C8orf89: variants seen among roughly 807,000 people sequenced by gnomAD.
C8orf89 encodes the protein chromosome 8 open reading frame 89.
C8orf89 carries 14 observed loss-of-function variants against 15.8 expected under a neutral mutation model. The ratio of observed to expected loss-of-function variants is 0.89; its 90% CI spans 0.59 to 1.39. The LOEUF is 1.39. C8orf89 is among the 40% of genes most tolerant of loss of function. The pLI is 0.00. For missense variants in C8orf89, 181 were observed against 184.5 expected (o/e 0.98, Z 0.11); for synonymous variants, 55 against 62.2 (o/e 0.88, Z 0.54).
At chr8:73,264,528 T>A (rs1180882227), upstream of C8orf89, among the ~76,000 whole-genome samples, 1 of 152,168 alleles carries the variant, frequency 6.6e-6, no homozygotes, top group Non-Finnish European at 1.5e-5. Flanking sequence ...TTCACTCTTG[T>A]CACCCAGGCT....
intron 1 of C8orf89, among the ~76,000 whole-genome samples, chr8:73,258,074 G>T (rs1002508027): frequency 6.6e-6 from 1 of 152,146 alleles, no homozygotes; most frequent in Non-Finnish European, 1.5e-5. Flanking sequence ...CACATTCAAA[G>T]CCAAAGAGGG....
chr8:73,277,827 T>C, the C8orf89 span: 1 of 714,026 alleles, frequency 1.4e-6, no homozygotes, highest in African/African-American at 1.7e-5. Context: ...CACAGGTCCA[T>C]TTTCTTTTCC....
intron 3 of C8orf89, among the ~76,000 whole-genome samples, chr8:73,245,674 C>A (rs1563529704): frequency 6.6e-6 from 1 of 151,860 alleles, no homozygotes; most frequent in Non-Finnish European, 1.5e-5. Flanking sequence ...AAAAGAGGAA[C>A]AGAATTACAG....
the C8orf89 span, among the ~76,000 whole-genome samples, chr8:73,272,231 T>G: frequency 6.6e-6 from 1 of 152,102 alleles, no homozygotes; most frequent in Non-Finnish European, 1.5e-5. Context: ...TCAGAAACAT[T>G]TTCTAAGTTC....
chr8:73,273,580 G>C, the C8orf89 span, among the ~76,000 whole-genome samples: 1 of 152,106 alleles, frequency 6.6e-6, no homozygotes, highest in Non-Finnish European at 1.5e-5. Context: ...GAATAGCCTG[G>C]GCGCCATGGG....
chr8:73,246,051 C>A (rs1251909113), intron 3 of C8orf89, among the ~76,000 whole-genome samples: 1 of 152,092 alleles, frequency 6.6e-6, no homozygotes, highest in East Asian at 1.9e-4. Context: ...ACTACACTTA[C>A]CAGCATAGGT....
the C8orf89 span, among the ~76,000 whole-genome samples, chr8:73,265,631 G>A: frequency 6.6e-6 from 1 of 152,156 alleles, no homozygotes; most frequent in Non-Finnish European, 1.5e-5. Context: ...GTTAAATATG[G>A]CTAGCATGGT....
chr8:73,275,336 A>G, the C8orf89 span, among the ~76,000 whole-genome samples: 1 of 147,792 alleles, frequency 6.8e-6, no homozygotes, highest in African/African-American at 2.5e-5. Flanking sequence ...TCCCAGGTTC[A>G]AGCAACTCTC....
At chr8:73,284,294 A>C in the C8orf89 span, among the ~76,000 whole-genome samples, 2 of 131,422 alleles carry the variant, frequency 1.5e-5, no homozygotes, top group South Asian at 5.2e-4. Flanking sequence ...GCTCACTGCA[A>C]CCTCCGCCTC....
At chr8:73,267,101 A>AT in the C8orf89 span, among the ~76,000 whole-genome samples, 14 of 152,186 alleles carry the variant, frequency 9.2e-5, no homozygotes, top group African/African-American at 2.9e-4. Flanking sequence ...ATATACGGTA[A>AT]TCCCCCCTTA....
At chr8:73,246,409 C>T (rs1344157500) in intron 3 of C8orf89, among the ~76,000 whole-genome samples, 3 of 152,144 alleles carry the variant, frequency 2.0e-5, no homozygotes, top group East Asian at 1.9e-4. Flanking sequence ...GACAGAGTCT[C>T]GCTCTGTCGC....
At chr8:73,274,461 TTTTAGG>T in the C8orf89 span, among the ~76,000 whole-genome samples, 4 of 152,160 alleles carry the variant, frequency 2.6e-5, no homozygotes. Flanking sequence ...ATTTCATCTT[TTTTAGG>T]TTATCTTTTG....
At chr8:73,262,166 GCTT>G (rs1355548278), upstream of C8orf89, among the ~76,000 whole-genome samples, 1 of 152,122 alleles carries the variant, frequency 6.6e-6, no homozygotes, top group African/African-American at 2.4e-5. Context: ...GACTCTAACA[GCTT>G]CTTTCTCATT....
chr8:73,281,769 C>T, the C8orf89 span, among the ~76,000 whole-genome samples: 1 of 152,224 alleles, frequency 6.6e-6, no homozygotes, highest in Non-Finnish European at 1.5e-5. Context: ...ATCCTGGCTC[C>T]TCCTCCAGAG....
chr8:73,261,954 A>G (rs768659678), upstream of C8orf89, among the ~76,000 whole-genome samples: 3 of 152,180 alleles, frequency 2.0e-5, no homozygotes, highest in Non-Finnish European at 2.9e-5. Context: ...CTTTCCAAGC[A>G]ACAAAGAAAG....
chr8:73,273,763 T>C, the C8orf89 span, among the ~76,000 whole-genome samples: 1 of 149,776 alleles, frequency 6.7e-6, no homozygotes, highest in Non-Finnish European at 1.5e-5. Context: ...TTTTTTTTTT[T>C]CTGAAAGATA....
chr8:73,277,801 T>G, the C8orf89 span: 1 of 729,316 alleles, frequency 1.4e-6, no homozygotes, highest in South Asian at 1.3e-5. Context: ...CAGCCTGGCC[T>G]CCGCACAGCC....
chr8:73,251,583 T>C (rs1449087274), intron 2 of C8orf89, among the ~76,000 whole-genome samples: 7 of 152,218 alleles, frequency 4.6e-5, no homozygotes, highest in Admixed American at 4.6e-4. Context: ...TTATCCTTCA[T>C]TGACCTAAGT....
chr8:73,279,104 G>A, the C8orf89 span, among the ~76,000 whole-genome samples: 3 of 152,104 alleles, frequency 2.0e-5, no homozygotes, highest in African/African-American at 7.2e-5. Flanking sequence ...TCTTGAATAT[G>A]AAAAATTTAA....
Sources: gnomAD v4.1 joint callset for allele counts (sites outside exome capture counted in the v4.1 genomes callset) on GRCh38, gnomAD v4.1.1 for gene constraint, MANE v1.5 for transcripts, NCBI Gene and HGNC (gene_info 2026-07-23, HGNC 2026-07-21) for gene names.